The following CCDC183 variants were observed in gnomAD, a reference collection of about 807,000 sequenced individuals.
The protein encoded by CCDC183 is coiled-coil domain-containing protein 183.
Under a neutral mutation model 65.2 loss-of-function variants are expected in CCDC183, and 63 were observed. That is an observed-to-expected ratio of 0.97 (90% CI 0.79 to 1.19). The LOEUF (loss-of-function observed/expected upper bound fraction) is 1.19, where lower values mean the gene tolerates loss of function less well. CCDC183 is among the 50% of genes most tolerant of loss of function. The pLI, the probability that CCDC183 is intolerant of heterozygous loss-of-function variation, is 0.00. For synonymous variants in CCDC183, 323 were observed against 276.5 expected (o/e 1.17, Z -1.67); for missense variants, 769 against 689.3 (o/e 1.12, Z -1.30).
At chr9:136,805,659 G>C in intron 9 of CCDC183, 1 of 577,042 alleles carries the variant, frequency 1.7e-6, no homozygotes, top group Non-Finnish European at 3.1e-6. Context: ...CTGTGTATCT[G>C]CGTTTATTAT....
Position 136,796,486 on chromosome 9 carries a change from G to T in CCDC183, c.70+19G>T. The T allele has an allele frequency of 6.5e-7, 1 of 1,549,458 alleles. No homozygotes were observed. The highest frequency in any genetic ancestry group is 1.2e-5 in the South Asian group (1 of 84,434). ...CTCCAGGGTGAGCCTGCACCGCCGTGACCAGTCTCCCTTTCCCGTCTGGGG... is the reference window on the plus strand; with the variant it reads ...CTCCAGGGTGAGCCTGCACCGCCGTTACCAGTCTCCCTTTCCCGTCTGGGG... On this transcript the variant is annotated intron_variant, in intron 1 of 13. Transcript: ENST00000338005.
intron 9 of CCDC183, 57 bp from the exon 10 acceptor site, chr9:136,806,021 C>T (rs1847839492): frequency 4.2e-6 from 6 of 1,423,024 alleles, no homozygotes; most frequent in Non-Finnish European, 5.7e-6. Context: ...TTCTGTGAAG[C>T]CCCCTCTGCC....
At chr9:136,806,001 A>C in intron 9 of CCDC183, 77 bp from the exon 10 acceptor site, 1 of 1,253,990 alleles carries the variant, frequency 8.0e-7, no homozygotes, top group Non-Finnish European at 1.1e-6. Context: ...AGGGGCCCAG[A>C]AGAAACCAGT....
Position 136,804,485 on chromosome 9 carries a change from C to A in CCDC183, c.667-17C>A, listed in dbSNP as rs113971836. The A allele has an allele frequency of 2.0e-3, 3,165 of 1,609,952 alleles. 56 individuals are homozygous for A. The African/African-American group carries it at 0.035, about 18-fold the overall frequency. ...TGAGACAGCTCCCCAACCCTGTGCC[C>A]ACCCGCATGTCCCCAGAGGAACATG... On this transcript the variant is annotated splice_polypyrimidine_tract_variant and intron_variant, in intron 6 of 13. Transcript: ENST00000338005. This position sits in a 1 kb window ranked among gnomAD's most constrained non-coding sequence, Gnocchi z 4.1.
At position 136,799,637 on chromosome 9, in the gene CCDC183, G is replaced by GA. The variant is rs543037756; in HGVS notation, c.193-76_193-75insA. ...CTAGCGTGGGATACAAGAGGCCCTG[G>GA]GGAGAATGCCTGGAGGAGCCAGCGG... On this transcript the variant is annotated intron_variant, in intron 2 of 13. Transcript: ENST00000338005. The GA allele has an allele frequency of 7.6e-3, 9,692 of 1,281,768 alleles. 44 individuals are homozygous for GA. The highest frequency in any genetic ancestry group is 9.9e-3 in the Non-Finnish European group (8,850 of 894,306). 79.4% of individuals were successfully genotyped at this position (1,281,768 alleles called of 1,614,324 possible).
chr9:136,800,174 A>C lies in CCDC183; in HGVS notation c.438+5A>C, dbSNP rs1564348565. ...GAGGAGCTGCGGCTGCTGCAGGTGG[A>C]GAGGCGGGGCTGGGAGGGCGGGGCG... On this transcript the variant is annotated splice_donor_5th_base_variant and intron_variant, in intron 4 of 13. Coordinates refer to ENST00000338005, the MANE Select transcript of CCDC183 (RefSeq NM_001039374.5). 2.2e-5 allele frequency: 17 copies of C among 777,198 alleles called. No individual in the cohort carries two copies. Among genetic ancestry groups the C allele is most frequent in the Non-Finnish European group, 3.2e-5 (17 of 532,178 alleles). 48.1% of individuals were successfully genotyped at this position (777,198 alleles called of 1,614,324 possible). A position where few individuals can be genotyped will look rare whatever the true frequency, so the allele number is the denominator to read the frequency against.
intron 1 of CCDC183, among the ~76,000 whole-genome samples, chr9:136,798,615 TA>T (rs1847687868): frequency 6.6e-6 from 1 of 152,160 alleles, no homozygotes; most frequent in Non-Finnish European, 1.5e-5. Context: ...TTAGTTTTAA[TA>T]CAGGGACAAT....
Position 136,802,759 on chromosome 9 carries a change from T to C in CCDC183, c.639T>C (p.Asp213=). ...CGGATATGAAGATCATGTCCCAAGATGCCATGATGATCACGGATGAGGTCA... is the reference window on the plus strand; with the variant it reads ...CGGATATGAAGATCATGTCCCAAGACGCCATGATGATCACGGATGAGGTCA... The part of the protein sequence containing the change: ...ELSDMKIMSQ[D]AMMITDEVKR... The change falls in exon 6 of 14, where the codon GAT becomes GAC. Residue 213 remains aspartate (D), a synonymous_variant. Coordinates refer to ENST00000338005, the MANE Select transcript of CCDC183 (RefSeq NM_001039374.5). 1 of 1,613,024 alleles carries C rather than the reference T, an allele frequency of 6.2e-7. No individual in the cohort carries two copies. Among genetic ancestry groups the C allele is most frequent in the Non-Finnish European group, 8.5e-7 (1 of 1,179,650 alleles).
At chr9:136,807,498 G>GGGGCGA in intron 13 of CCDC183, 74 bp from the exon 14 acceptor site, 1 of 1,485,926 alleles carries the variant, frequency 6.7e-7, no homozygotes, top group East Asian at 2.5e-5. Context: ...GTGGAGGGCG[G>GGGGCGA]GGGCGAGAGG....
intron 5 of CCDC183, among the ~76,000 whole-genome samples, chr9:136,801,862 A>G (rs1198460469): frequency 6.7e-6 from 1 of 148,204 alleles, no homozygotes; most frequent in Non-Finnish European, 1.5e-5. Context: ...ATCTCGGCTC[A>G]CTGCAACCTC....
chr9:136,807,091 G>A (rs1048787653), intron 13 of CCDC183, 25 bp downstream of exon 13: 2 of 1,609,650 alleles, frequency 1.2e-6, no homozygotes, highest in African/African-American at 2.7e-5. Context: ...ACTGGGGCCC[G>A]GGCTGCAGGC....
At chr9:136,797,062 G>A (rs892711863) in intron 1 of CCDC183, among the ~76,000 whole-genome samples, 20 of 152,156 alleles carry the variant, frequency 1.3e-4, no homozygotes, top group African/African-American at 4.1e-4. Flanking sequence ...GTGTAAAGCC[G>A]ACCATTCCCA....
chr9:136,807,452 G>A, intron 13 of CCDC183, 120 bp from the exon 14 acceptor site: 2 of 1,273,608 alleles, frequency 1.6e-6, no homozygotes, highest in Non-Finnish European at 2.1e-6. Context: ...CGGCACGCTG[G>A]GGCTGTCCCT....
intron 9 of CCDC183, 170 bp downstream of exon 9, chr9:136,805,627 A>G (rs183486038): frequency 6.4e-4 from 387 of 600,472 alleles, no homozygotes; most frequent in Admixed American, 2.1e-3. Flanking sequence ...GGCCGCCCCA[A>G]ATCCTTTTAT....
chr9:136,807,386 G>A, intron 13 of CCDC183, 186 bp from the exon 14 acceptor site: 1 of 797,660 alleles, frequency 1.3e-6, no homozygotes, highest in South Asian at 1.8e-5. Flanking sequence ...GGGTTCTGCG[G>A]GAAAGGCTAG....
chr9:136,804,864 G>C lies in CCDC183; in HGVS notation c.847+48G>C. ...GCCCCCAGCCAGGGTCCCAAGGAGAGGCTGGCACTGATTCAGGCCAACGGA... is the reference window on the plus strand; with the variant it reads ...GCCCCCAGCCAGGGTCCCAAGGAGACGCTGGCACTGATTCAGGCCAACGGA... On this transcript the variant is annotated intron_variant, in intron 8 of 13. Transcript: ENST00000338005. This position sits in a 1 kb window ranked among gnomAD's most constrained non-coding sequence, Gnocchi z 4.1. The C allele has an allele frequency of 6.5e-7, 1 of 1,531,408 alleles. No homozygotes were observed. The highest frequency in any genetic ancestry group is 9.0e-7 in the Non-Finnish European group (1 of 1,106,820). 94.9% of individuals were successfully genotyped at this position (1,531,408 alleles called of 1,614,324 possible).
chr9:136,800,187 G>T lies in CCDC183; in HGVS notation c.438+18G>T. On this transcript the variant is annotated intron_variant, in intron 4 of 13. Transcript: ENST00000338005. The stretch of plus-strand genomic sequence containing the variant: ...TGCTGCAGGTGGAGAGGCGGGGCTG[G>T]GAGGGCGGGGCGGAGTCCACTGGGG... 6.7e-7 allele frequency: 1 copy of T among 1,498,828 alleles called. No individual in the cohort carries two copies. Among genetic ancestry groups the T allele is most frequent in the African/African-American group, 1.4e-5 (1 of 71,946 alleles). The allele number at this position is 1,498,828 out of a possible 1,614,324, so 92.8% of individuals were successfully genotyped here.
intron 5 of CCDC183, among the ~76,000 whole-genome samples, chr9:136,801,062 G>C (rs1414499352): frequency 6.6e-6 from 1 of 152,254 alleles, no homozygotes; most frequent in Non-Finnish European, 1.5e-5. Flanking sequence ...GATGGGGCGG[G>C]GAGCCAGCTG....
At chr9:136,799,408 A>ACC in intron 2 of CCDC183, 185 bp downstream of exon 2, 2 of 1,038,866 alleles carry the variant, frequency 1.9e-6, no homozygotes, top group Non-Finnish European at 2.7e-6. Context: ...TCCGGTGGGC[A>ACC]GGTTTCCCAC....
Sources: gnomAD v4.1 joint callset for allele counts (sites outside exome capture counted in the v4.1 genomes callset) on GRCh38, gnomAD v4.1.1 for gene constraint, Gnocchi (gnomAD v3.1) non-coding constraint, MANE v1.5 for transcripts, NCBI Gene and HGNC (gene_info 2026-07-23, HGNC 2026-07-21) for gene names.